Variants in PTPRCAP observed in about 807,000 individuals in gnomAD.
PTPRCAP encodes the protein protein tyrosine phosphatase receptor type C-associated protein.
For synonymous variants in PTPRCAP, 136 were observed against 135.8 expected (o/e 1.00, Z -0.01); for missense variants, 294 against 285.5 (o/e 1.03, Z -0.22).
rs1864270612 is a variant in PTPRCAP at position 67,436,213 on chromosome 11, G to A, written c.141C>T (p.Ala47=). ...VLLLLLLLLL[A]TGLALAWRRL... Reference sequence around the variant, plus strand: ...GGCGCCAGGCCAGTGCTAGGCCAGTGGCCAGCAGTAGGAGCAGCAGCAGCA... The same window carrying A: ...GGCGCCAGGCCAGTGCTAGGCCAGTAGCCAGCAGTAGGAGCAGCAGCAGCA... The change falls in exon 2 of 2, where the codon GCC becomes GCT. Residue 47 remains alanine, a synonymous_variant. Coordinates refer to ENST00000326294, the MANE Select transcript of PTPRCAP (RefSeq NM_005608.3). 2 of 1,550,630 alleles carry A rather than the reference G, an allele frequency of 1.3e-6. No individual in the cohort carries two copies. Among genetic ancestry groups the A allele is most frequent in the Non-Finnish European group, 1.7e-6 (2 of 1,150,248 alleles).
Position 67,436,074 on chromosome 11 carries a change from G to C in PTPRCAP, c.280C>G (p.Arg94Gly), listed in dbSNP as rs1406853865. The C allele has an allele frequency of 4.3e-6, 7 of 1,612,396 alleles. No individual in the cohort carries two copies. Among genetic ancestry groups the C allele is most frequent in the Middle Eastern group, 1.7e-4 (1 of 6,060 alleles). The change falls in exon 2 of 2, where the codon CGA becomes GGA. Residue 94 changes from arginine to glycine, a missense_variant. Transcript: ENST00000326294. ...ASPPGRWLQA[R>G]AELGSTDNDL... ...TTGTCTGTGGACCCCAGCTCAGCTC[G>C]GGCCTGCAGCCAGCGACCTGGGGGG...
rs1051972565 is a variant in PTPRCAP at position 67,436,495 on chromosome 11, T to G, written c.4-145A>C. 35 of 956,072 alleles carry G rather than the reference T, an allele frequency of 3.7e-5. No individual in the cohort carries two copies. The African/African-American group carries it at 5.6e-4, about 15-fold the overall frequency. The allele number at this position is 956,072 out of a possible 1,614,324, so 59.2% of individuals were successfully genotyped here. On this transcript the variant is annotated intron_variant, in intron 1 of 1. Coordinates refer to ENST00000326294, the MANE Select transcript of PTPRCAP (RefSeq NM_005608.3). The stretch of plus-strand genomic sequence containing the variant: ...CAAGCAGAAAAGGCCAAGGCCTTAT[T>G]TGGTCAACCAGGCTCTGGCCCTGTG...
In PTPRCAP at chr11:67,437,626, G is replaced by A; in HGVS notation, c.-7C>T. The A allele has an allele frequency of 3.7e-6, 5 of 1,364,990 alleles. No homozygotes were observed. The highest frequency in any genetic ancestry group is 2.8e-5 in the East Asian group (1 of 36,240). The allele number at this position is 1,364,990 out of a possible 1,614,324, so 84.6% of individuals were successfully genotyped here. A position where few individuals can be genotyped will look rare whatever the true frequency, so the allele number is the denominator to read the frequency against. On this transcript the variant is annotated 5_prime_UTR_variant, in exon 1 of 2. Transcript: ENST00000326294. ...GGGCTCCGAGGCTTACCATTGGTCC[G>A]CAGGCCCCTCCGTGCCGGGCACCCA... is the stretch of plus-strand genomic sequence containing the variant.
In PTPRCAP at chr11:67,436,077, C is replaced by A. The variant is rs1864266129; in HGVS notation, c.277G>T (p.Ala93Ser). 1 of 1,612,222 alleles carries A rather than the reference C, an allele frequency of 6.2e-7. No homozygotes were observed. Among genetic ancestry groups the A allele is most frequent in the Non-Finnish European group, 8.5e-7 (1 of 1,179,468 alleles). ...WASPPGRWLQ[A>S]RAELGSTDND... ...TCTGTGGACCCCAGCTCAGCTCGGG[C>A]CTGCAGCCAGCGACCTGGGGGGCTG... The change falls in exon 2 of 2, where the codon GCC becomes TCC. Residue 93 changes from alanine (A) to serine (S), a missense_variant. Transcript: ENST00000326294.
At position 67,435,972 on chromosome 11, in the gene PTPRCAP, C is replaced by A; in HGVS notation, c.382G>T (p.Gly128Trp). Residue 128 changes from glycine to tryptophan, a missense_variant, in exon 2 of 2, where the codon GGG becomes TGG. Physicochemically the swap from Gly to Trp is radical, Grantham distance 184 (BLOSUM62 -2). Transcript: ENST00000326294. Reference sequence around the variant, plus strand: ...TCTCCACATTGCTGCTCGCCTTCCCCAGGGTCAGCCTGCAGGCCACCATCC... The same window carrying A: ...TCTCCACATTGCTGCTCGCCTTCCCAAGGGTCAGCCTGCAGGCCACCATCC... ...VADGGLQADP[G>W]EGEQQCGEAS... is the part of the protein sequence containing the mutation. 6.2e-7 allele frequency: 1 copy of A among 1,613,724 alleles called. No homozygotes were observed. The highest frequency in any genetic ancestry group is 8.5e-7 in the Non-Finnish European group (1 of 1,179,924).
chr11:67,435,831 C>T lies in PTPRCAP; in HGVS notation c.523G>A (p.Ala175Thr). ...AAGGCGTGCAGGTCACTCAGCAGGGCCTCAGCACTGCCCCCTGCGCTCGCT... is the reference window on the plus strand; with the variant it reads ...AAGGCGTGCAGGTCACTCAGCAGGGTCTCAGCACTGCCCCCTGCGCTCGCT... Reference protein sequence around the residue: ...GPASAGGSAEALLSDLHAFAG... With the variant: ...GPASAGGSAETLLSDLHAFAG... Residue 175 changes from alanine to threonine, a missense_variant, in exon 2 of 2, where the codon GCC (alanine) becomes ACC (threonine). Transcript: ENST00000326294. The T allele has an allele frequency of 1.2e-6, 2 of 1,607,206 alleles. No individual in the cohort carries two copies. The highest frequency in any genetic ancestry group is 1.1e-5 in the South Asian group (1 of 90,886).
rs1864285583 is a variant in PTPRCAP, at chr11:67,436,559, C to CACCT, written c.4-213_4-210dup. On this transcript the variant is annotated intron_variant, in intron 1 of 1. Transcript: ENST00000326294. ...TCCCTCCAGCCTCCTCCCTACCACT[C>CACCT]ACCTCCCCCAACAGCTGCATTAAGC... 32 of 496,148 alleles carry CACCT rather than the reference C, an allele frequency of 6.4e-5. No homozygotes were observed. In the South Asian group the frequency reaches 1.5e-3, roughly 24 times the overall value. The allele number at this position is 496,148 out of a possible 1,614,324, so 30.7% of individuals were successfully genotyped here.
chr11:67,436,448 T>G, intron 1 of PTPRCAP, 98 bp from the exon 2 acceptor site: 5 of 1,333,886 alleles, frequency 3.7e-6, no homozygotes, highest in Non-Finnish European at 4.9e-6. Flanking sequence ...TTTTTTTCTC[T>G]TTGGGATCCT....
At chr11:67,436,392 G>T (rs867259279) in intron 1 of PTPRCAP, 42 bp from the exon 2 acceptor site, 1 of 1,426,124 alleles carries the variant, frequency 7.0e-7, no homozygotes, top group Non-Finnish European at 9.1e-7. Flanking sequence ...CAGCACCTGG[G>T]GTGGGGCCTG....
At chr11:67,437,060 T>A (rs1864298838) in intron 1 of PTPRCAP, 1 of 152,170 alleles carries the variant, frequency 6.6e-6, no homozygotes, top group African/African-American at 2.4e-5. Flanking sequence ...CAGAGGCAAC[T>A]GCTCATCTTC....
Position 67,436,326 on chromosome 11 carries a change from C to A in PTPRCAP, c.28G>T (p.Gly10Trp), listed in dbSNP as rs758359868. The A allele has an allele frequency of 1.4e-4, 216 of 1,507,380 alleles. No individual in the cohort carries two copies. Among genetic ancestry groups the A allele is most frequent in the Non-Finnish European group, 1.8e-4 (201 of 1,129,978 alleles). 93.4% of individuals were successfully genotyped at this position (1,507,380 alleles called of 1,614,324 possible). The change falls in exon 2 of 2, where the codon GGG (glycine) becomes TGG (tryptophan). Residue 10 changes from glycine (G) to tryptophan (W), a missense_variant. Physicochemically the swap from Gly to Trp is radical, Grantham distance 184. Transcript: ENST00000326294. The stretch of plus-strand genomic sequence containing the variant: ...GCCCCTGGCAGGGCCAGCAGCATCC[C>A]GAGCCCTAAGGTGCAGGGCAGAGCC... MALPCTLGL[G>W]MLLALPGALG...
rs1864248890 is a variant in PTPRCAP at position 67,435,607 on chromosome 11, T to A, written c.*126A>T. On this transcript the variant is annotated 3_prime_UTR_variant, in exon 2 of 2. Coordinates refer to ENST00000326294, the MANE Select transcript of PTPRCAP (RefSeq NM_005608.3). ...GCGGGGTACACATGGACTTGGGAAC[T>A]GGTAGGGGGTGACAGTCTGAGGCAT... 1 of 1,398,208 alleles carries A rather than the reference T, an allele frequency of 7.2e-7. No homozygotes were observed. The highest frequency in any genetic ancestry group is 2.5e-5 in the Admixed American group (1 of 39,750). The allele number at this position is 1,398,208 out of a possible 1,614,324, so 86.6% of individuals were successfully genotyped here.
In PTPRCAP at chr11:67,437,649, C is replaced by G; in HGVS notation, c.-30G>C. The G allele has an allele frequency of 7.3e-7, 1 of 1,362,846 alleles. No individual in the cohort carries two copies. 84.4% of individuals were successfully genotyped at this position (1,362,846 alleles called of 1,614,324 possible). ...CCGCAGGCCCCTCCGTGCCGGGCAC[C>G]CACCTCCAGCTCTGGCTGTGTCGAG... On this transcript the variant is annotated 5_prime_UTR_variant, in exon 1 of 2. Coordinates refer to ENST00000326294, the MANE Select transcript of PTPRCAP (RefSeq NM_005608.3).
In PTPRCAP at chr11:67,436,364, G is replaced by A; in HGVS notation, c.4-14C>T. The A allele has an allele frequency of 1.4e-6, 2 of 1,444,694 alleles. No individual in the cohort carries two copies. Among genetic ancestry groups the A allele is most frequent in the Middle Eastern group, 2.0e-4 (1 of 4,952 alleles). 89.5% of individuals were successfully genotyped at this position (1,444,694 alleles called of 1,614,324 possible). A position where few individuals can be genotyped will look rare whatever the true frequency, so the allele number is the denominator to read the frequency against. ...GCAGGGCAGAGCCTGTGGGAGACAG[G>A]CAGGGGCTCAGAGGGCTCAGCACCT... is the stretch of plus-strand genomic sequence containing the variant. On this transcript the variant is annotated splice_polypyrimidine_tract_variant and intron_variant, in intron 1 of 1. Transcript: ENST00000326294.
rs571157789 is a variant in PTPRCAP, at chr11:67,435,515, G to A, written c.*218C>T. On this transcript the variant is annotated 3_prime_UTR_variant, in exon 2 of 2. Coordinates refer to ENST00000326294, the MANE Select transcript of PTPRCAP (RefSeq NM_005608.3). ...TCTCTGTAGGACCACAGGGCCACAG[G>A]CTGAAGGAGTTTTATTTCAAATGGT... 1.4e-6 allele frequency: 1 copy of A among 710,200 alleles called. No individual in the cohort carries two copies. Among genetic ancestry groups the A allele is most frequent in the Non-Finnish European group, 2.2e-6 (1 of 451,406 alleles). 44.0% of individuals were successfully genotyped at this position (710,200 alleles called of 1,614,324 possible).
chr11:67,437,529 G>A, intron 1 of PTPRCAP, 88 bp downstream of exon 1: 1 of 1,294,910 alleles, frequency 7.7e-7, no homozygotes, highest in Non-Finnish European at 1.0e-6. Context: ...GCCAATGTGG[G>A]GCCCTCCTTA....
At chr11:67,437,562 A>C (rs1864311965) in intron 1 of PTPRCAP, 55 bp downstream of exon 1, 1 of 1,337,390 alleles carries the variant, frequency 7.5e-7, no homozygotes, top group Non-Finnish European at 9.7e-7. Context: ...CAGACATTCT[A>C]GCCCCGACCG....
intron 1 of PTPRCAP, chr11:67,436,700 G>A: frequency 3.8e-6 from 1 of 260,858 alleles, no homozygotes; most frequent in Non-Finnish European, 7.3e-6. Flanking sequence ...CTTCACCCCA[G>A]TGAGGCTGAA....
rs527464175 is a variant in PTPRCAP, at chr11:67,435,611, A to G, written c.*122T>C. On this transcript the variant is annotated 3_prime_UTR_variant, in exon 2 of 2. Coordinates refer to ENST00000326294, the MANE Select transcript of PTPRCAP (RefSeq NM_005608.3). ...GGTACACATGGACTTGGGAACTGGTAGGGGGTGACAGTCTGAGGCATGGTC... is the reference window on the plus strand; with the variant it reads ...GGTACACATGGACTTGGGAACTGGTGGGGGGTGACAGTCTGAGGCATGGTC... 2.4e-5 allele frequency: 34 copies of G among 1,410,454 alleles called. No homozygotes were observed. The African/African-American group carries it at 4.3e-4, about 18-fold the overall frequency. The allele number at this position is 1,410,454 out of a possible 1,614,324, so 87.4% of individuals were successfully genotyped here.
Sources: allele counts gnomAD v4.1 joint callset, GRCh38; gene constraint gnomAD v4.1.1; transcripts MANE v1.5; gene names NCBI Gene and HGNC (gene_info 2026-07-23, HGNC 2026-07-21).